PHACTR1: variants seen among roughly 807,000 people sequenced by gnomAD.
PHACTR1 encodes RPEL repeat containing 1.
Under a neutral mutation model 69.2 loss-of-function variants are expected in PHACTR1, and 16 were observed. The observed-to-expected ratio is 0.23, with a 90% confidence interval of 0.16 to 0.35. The LOEUF (loss-of-function observed/expected upper bound fraction) is 0.35, where lower values mean the gene tolerates loss of function less well. Ranked by LOEUF, PHACTR1 falls within the 10% of genes least tolerant of loss-of-function variation. The pLI is 1.00. For synonymous variants in PHACTR1, 312 were observed against 284.5 expected, an observed-to-expected ratio of 1.10 and a Z score of -0.97; for missense variants, 510 against 734.7, an observed-to-expected ratio of 0.69 and a Z score of 3.54.
intron 3 of PHACTR1, among the ~76,000 whole-genome samples, chr6:12,727,643 C>T (rs148678529): frequency 7.2e-5 from 11 of 152,304 alleles, no homozygotes; most frequent in East Asian, 1.9e-4. Context: ...ACTCACCCAG[C>T]GCCAGCCATG....
rs181203414 is a variant in PHACTR1, at chr6:12,727,820, C to A, written c.103+8973C>A. Among the ~76,000 whole-genome samples the A allele has an allele frequency of 3.1e-3, 478 of 152,274 alleles. 3 individuals are homozygous for A. Among genetic ancestry groups the A allele is most frequent in the Admixed American group, 5.6e-3 (86 of 15,292 alleles). On this transcript the variant is annotated intron_variant, in intron 3 of 14. Transcript: ENST00000332995. ...CTTCAAAATCAGCCCACGCCAATAT[C>A]ATTTTTAATATTTTTAAGAATTTCT...
chr6:12,754,761 C>T (rs977339135), intron 4 of PHACTR1, among the ~76,000 whole-genome samples: 2 of 152,146 alleles, frequency 1.3e-5, no homozygotes, highest in Non-Finnish European at 2.9e-5. Flanking sequence ...TGAATGGCTG[C>T]GTCTGTACTG....
At chr6:12,995,617 GATAA>G (rs745399335) in intron 4 of PHACTR1, among the ~76,000 whole-genome samples, 6 of 151,834 alleles carry the variant, frequency 4.0e-5, no homozygotes, top group African/African-American at 9.7e-5. Context: ...AATGATTATA[GATAA>G]ATAATTATGT....
intron 5 of PHACTR1, among the ~76,000 whole-genome samples, chr6:13,121,291 G>A (rs1244110858): frequency 6.6e-6 from 1 of 152,136 alleles, no homozygotes; most frequent in Admixed American, 6.5e-5. Context: ...ACAGACTCCA[G>A]AGCCAGGCTG....
chr6:13,245,081 G>A lies in PHACTR1; in HGVS notation c.1391+14888G>A, dbSNP rs142630207. On this transcript the variant is annotated intron_variant, in intron 10 of 14. Coordinates refer to ENST00000332995, the MANE Select transcript of PHACTR1 (RefSeq NM_030948.6). This position sits in a 1 kb window ranked among gnomAD's most constrained non-coding sequence, Gnocchi z 4.1. ...CTCTGTTTGGGGTCCCTGACTTCCC[G>A]CAACAGTATTTAGGTTGATTCCATG... is the stretch of plus-strand genomic sequence containing the variant. Among the ~76,000 whole-genome samples the A allele has an allele frequency of 3.7e-4, 57 of 152,288 alleles. No individual in the cohort carries two copies. Among genetic ancestry groups the A allele is most frequent in the African/African-American group, 1.0e-3 (43 of 41,560 alleles).
At chr6:12,743,355 T>C (rs1016263337) in intron 3 of PHACTR1, among the ~76,000 whole-genome samples, 3 of 152,208 alleles carry the variant, frequency 2.0e-5, no homozygotes, top group Admixed American at 6.5e-5. Context: ...CTTAGTCTTA[T>C]ACTTGCCCTG....
chr6:12,853,422 C>G (rs1424557233), intron 4 of PHACTR1, among the ~76,000 whole-genome samples: 1 of 152,126 alleles, frequency 6.6e-6, no homozygotes, highest in Non-Finnish European at 1.5e-5. Flanking sequence ...CGTCATGAGT[C>G]AAGACAATTT....
chr6:13,142,430 A>G (rs768784914), intron 5 of PHACTR1, among the ~76,000 whole-genome samples: 4 of 152,160 alleles, frequency 2.6e-5, no homozygotes, highest in Non-Finnish European at 5.9e-5. Context: ...TACTTTGGGT[A>G]TGTGTATGTA....
At chr6:13,097,448 C>T (rs1216278926) in intron 5 of PHACTR1, among the ~76,000 whole-genome samples, 1 of 152,066 alleles carries the variant, frequency 6.6e-6, no homozygotes, top group Non-Finnish European at 1.5e-5. Flanking sequence ...TGTTGTTACA[C>T]TGATCGTGAG....
intron 4 of PHACTR1, among the ~76,000 whole-genome samples, chr6:12,798,513 G>A (rs1773344995): frequency 6.6e-6 from 1 of 152,188 alleles, no homozygotes; most frequent in Non-Finnish European, 1.5e-5. Context: ...CACTACTTAA[G>A]TCTTAAGTAA....
chr6:12,920,346 G>T (rs1483644641), intron 4 of PHACTR1, among the ~76,000 whole-genome samples: 1 of 152,176 alleles, frequency 6.6e-6, no homozygotes, highest in African/African-American at 2.4e-5. Context: ...CACATGGATG[G>T]AACATTTCGT....
intron 4 of PHACTR1, among the ~76,000 whole-genome samples, chr6:12,985,322 A>G (rs949390240): frequency 3.3e-5 from 5 of 152,078 alleles, no homozygotes; most frequent in African/African-American, 9.7e-5. Flanking sequence ...TGTAGAGACT[A>G]GATTTTGCAT....
chr6:13,230,371 G>A, intron 10 of PHACTR1, 178 bp downstream of exon 10: 1 of 1,396,968 alleles, frequency 7.2e-7, no homozygotes, highest in Non-Finnish European at 9.4e-7. Flanking sequence ...GGCCAACATG[G>A]TGAAACCCCA....
At chr6:13,025,325 A>G (rs1437398831) in intron 4 of PHACTR1, among the ~76,000 whole-genome samples, 1 of 152,204 alleles carries the variant, frequency 6.6e-6, no homozygotes, top group East Asian at 1.9e-4. Context: ...ATATAATAGA[A>G]GAGTTATTCT....
chr6:13,121,866 G>T (rs1818791385), intron 5 of PHACTR1, among the ~76,000 whole-genome samples: 1 of 152,204 alleles, frequency 6.6e-6, no homozygotes, highest in Non-Finnish European at 1.5e-5. Context: ...ATCAGTTTGG[G>T]AATCTTGGGA....
At chr6:13,184,223 G>T (rs1176731526) in intron 7 of PHACTR1, among the ~76,000 whole-genome samples, 1 of 152,208 alleles carries the variant, frequency 6.6e-6, no homozygotes, top group African/African-American at 2.4e-5. Flanking sequence ...CAGCCTATGA[G>T]GTGTCAGCGT....
Position 13,182,522 on chromosome 6 carries a change from G to A in PHACTR1, c.500G>A (p.Gly167Glu), listed in dbSNP as rs1762308660. ...AATCTCCTTTTCTCTCTGACAGATG[G>A]GGAACTCTCTATATCCAATGAAGAG... Reference protein sequence around the residue: ...GVLKEIYDKDGELSISNEEDS... With the variant: ...GVLKEIYDKDEELSISNEEDS... Residue 167 changes from glycine (G) to glutamate (E), a missense_variant, in exon 7 of 15, where the codon GGG becomes GAG. Around this residue, in one of 2 missense-constraint regions of PHACTR1, gnomAD observed 419 missense variants for 530.9 expected, o/e 0.79. Coordinates refer to ENST00000332995, the MANE Select transcript of PHACTR1 (RefSeq NM_030948.6). 1 of 1,613,654 alleles carries A rather than the reference G, an allele frequency of 6.2e-7. No individual in the cohort carries two copies. Among genetic ancestry groups the A allele is most frequent in the African/African-American group, 1.3e-5 (1 of 74,882 alleles).
At chr6:13,048,745 T>A (rs559265781) in intron 4 of PHACTR1, among the ~76,000 whole-genome samples, 1 of 152,348 alleles carries the variant, frequency 6.6e-6, no homozygotes, top group Non-Finnish European at 1.5e-5. Flanking sequence ...TTGGCCAGGC[T>A]GGTCTTGAAC....
At chr6:13,072,465 G>T (rs535640778) in intron 5 of PHACTR1, among the ~76,000 whole-genome samples, 17 of 128,176 alleles carry the variant, frequency 1.3e-4, no homozygotes, top group African/African-American at 4.0e-4. Flanking sequence ...TATACATTAT[G>T]ATCATTTATA....
Sources: allele counts gnomAD v4.1 joint callset (sites outside exome capture counted in the v4.1 genomes callset), GRCh38; gene constraint gnomAD v4.1.1; regional missense constraint gnomAD v4.1.1; non-coding constraint Gnocchi (gnomAD v3.1); transcripts MANE v1.5; gene names NCBI Gene and HGNC (gene_info 2026-07-23, HGNC 2026-07-21).